Variants in CUTC observed in about 807,000 individuals in gnomAD.
CUTC encodes cutC copper transporter, also known as copper homeostasis protein cutC homolog.
Under a neutral mutation model 36.2 loss-of-function variants are expected in CUTC, and 27 were observed. The ratio of observed to expected loss-of-function variants is 0.75; its 90% CI spans 0.55 to 1.03. The LOEUF (loss-of-function observed/expected upper bound fraction) is 1.03. Among genes scored for constraint, CUTC ranks in the 50% least tolerant of loss-of-function variants. The pLI, the probability that CUTC is intolerant of heterozygous loss-of-function variation, is 0.00. For synonymous variants in CUTC, 114 were observed against 118.3 expected (o/e 0.96, Z 0.24); for missense variants, 315 against 343.5 (o/e 0.92, Z 0.66).
chr10:99,743,034 A>C (rs770324441), intron 3 of CUTC, 119 bp from the exon 4 acceptor site: 7 of 865,496 alleles, frequency 8.1e-6, no homozygotes, highest in Non-Finnish European at 1.1e-5. Flanking sequence ...CCATATATAC[A>C]TTTTTCTTCT....
intron 5 of CUTC, among the ~76,000 whole-genome samples, chr10:99,744,576 A>G (rs1395512518): frequency 6.6e-6 from 1 of 152,226 alleles, no homozygotes. Flanking sequence ...GGGTCTTATT[A>G]GGAAGGGAGA....
intron 3 of CUTC, among the ~76,000 whole-genome samples, 164 bp downstream of exon 3, chr10:99,739,933 C>T (rs540521464): frequency 1.4e-4 from 22 of 152,288 alleles, no homozygotes; most frequent in South Asian, 8.3e-4. Flanking sequence ...TTTGATCAAA[C>T]ATATTTCTTT....
Position 99,739,663 on chromosome 10 carries a change from A to G in CUTC, c.134-47A>G, listed in dbSNP as rs370921548. The G allele has an allele frequency of 8.9e-6, 14 of 1,566,044 alleles. No homozygotes were observed. The African/African-American group carries it at 1.9e-4, about 21-fold the overall frequency. ...TATATAAACAGGTTGCTGTTTAATA[A>G]CAGCTTATTTTTTAAAAATGTGTTG... On this transcript the variant is annotated intron_variant, in intron 2 of 8. Transcript: ENST00000370476.
At chr10:99,732,871 G>C (rs554217104) in intron 1 of CUTC, among the ~76,000 whole-genome samples, 33 of 152,304 alleles carry the variant, frequency 2.2e-4, no homozygotes, top group South Asian at 4.1e-4. Context: ...CGAGCTTGTG[G>C]CTGCTCCAAG....
intron 3 of CUTC, among the ~76,000 whole-genome samples, chr10:99,741,717 A>C (rs2037342500): frequency 6.6e-6 from 1 of 152,100 alleles, no homozygotes; most frequent in South Asian, 2.1e-4. Flanking sequence ...GGCATATGCC[A>C]CCATGTCCAG....
chr10:99,739,397 A>G (rs910924964), intron 2 of CUTC, among the ~76,000 whole-genome samples: 7 of 152,234 alleles, frequency 4.6e-5, no homozygotes, highest in Non-Finnish European at 1.0e-4. Flanking sequence ...TCAGTATTCC[A>G]CTATAGTCAG....
intron 7 of CUTC, among the ~76,000 whole-genome samples, chr10:99,752,168 T>C (rs1215134274): frequency 1.3e-5 from 2 of 152,024 alleles, no homozygotes; most frequent in African/African-American, 4.8e-5. Flanking sequence ...AAGAGTAACT[T>C]TTAAAAAGAG....
intron 2 of CUTC, among the ~76,000 whole-genome samples, chr10:99,738,393 T>TGG (rs1194150820): frequency 6.7e-6 from 1 of 149,112 alleles, no homozygotes; most frequent in Admixed American, 6.7e-5. Context: ...ATACAGGGTG[T>TGG]GTGTGTGTGT....
intron 1 of CUTC, among the ~76,000 whole-genome samples, chr10:99,733,393 TA>T (rs1340887274): frequency 6.6e-6 from 1 of 152,150 alleles, no homozygotes; most frequent in Non-Finnish European, 1.5e-5. Context: ...ATTGACATAA[TA>T]TTTTTTTGAA....
Position 99,755,989 on chromosome 10 carries a change from C to G in CUTC, c.*250C>G, listed in dbSNP as rs1314103649. On this transcript the variant is annotated 3_prime_UTR_variant, in exon 9 of 9. Transcript: ENST00000370476. Reference sequence around the variant, plus strand: ...AGCTGGTCTGTGCTTCTTCCATAGACAGAAGCTTAGTCTGTTTTCAGTGGA... The same window carrying G: ...AGCTGGTCTGTGCTTCTTCCATAGAGAGAAGCTTAGTCTGTTTTCAGTGGA... 7.9e-6 allele frequency: 3 copies of G among 382,090 alleles called. No homozygotes were observed. The highest frequency in any genetic ancestry group is 4.2e-5 in the East Asian group (1 of 24,024). The allele number at this position is 382,090 out of a possible 1,614,324, so 23.7% of individuals were successfully genotyped here. A position where few individuals can be genotyped will look rare whatever the true frequency, so the allele number is the denominator to read the frequency against.
At chr10:99,741,645 GCCTCAAAC>G (rs2037341923) in intron 3 of CUTC, among the ~76,000 whole-genome samples, 1 of 151,812 alleles carries the variant, frequency 6.6e-6, no homozygotes, top group Admixed American at 6.6e-5. Context: ...GCTCCCTACA[GCCTCAAAC>G]TCCTGGGCTC....
At chr10:99,747,113 T>TG in intron 5 of CUTC, 144 bp from the exon 6 acceptor site, 1 of 856,802 alleles carries the variant, frequency 1.2e-6, no homozygotes, top group Non-Finnish European at 1.8e-6. Flanking sequence ...CAATCTGACT[T>TG]GCAGAATTCT....
At chr10:99,753,700 C>T (rs1439789654) in intron 7 of CUTC, among the ~76,000 whole-genome samples, 6 of 152,174 alleles carry the variant, frequency 3.9e-5, no homozygotes, top group African/African-American at 1.4e-4. Context: ...TGGGAGCCAC[C>T]ACACTCAGCC....
In CUTC at chr10:99,754,605, G is replaced by A; in HGVS notation, c.678G>A (p.Arg226=). The A allele has an allele frequency of 6.2e-7, 1 of 1,612,862 alleles. No homozygotes were observed. Among genetic ancestry groups the A allele is most frequent in the East Asian group, 2.2e-5 (1 of 44,812 alleles). The change falls in exon 8 of 9, where the codon CGG becomes CGA. Residue 226 remains arginine (R), a synonymous_variant. Transcript: ENST00000370476. ...SGATEFHCSA[R]STRDSGMKFR... ...CTACAGAATTCCACTGTTCTGCTCG[G>A]TCTACTAGAGACTCGGGAATGAAGT...
At position 99,747,301 on chromosome 10, in the gene CUTC, T is replaced by G; in HGVS notation, c.484T>G (p.Leu162Val). The change falls in exon 6 of 9, where the codon TTA (leucine) becomes GTA (valine). Residue 162 changes from leucine to valine, a missense_variant. Coordinates refer to ENST00000370476, the MANE Select transcript of CUTC (RefSeq NM_015960.3). Reference sequence around the variant, plus strand: ...TCCAATGGCAGCTCTGGAGACCCTCTTAACCTTGGGATTTGAACGCGTGTT... The same window carrying G: ...TCCAATGGCAGCTCTGGAGACCCTCGTAACCTTGGGATTTGAACGCGTGTT... ...HDPMAALETL[L>V]TLGFERVLTS... The G allele has an allele frequency of 6.2e-7, 1 of 1,614,224 alleles. No individual in the cohort carries two copies. The highest frequency in any genetic ancestry group is 8.5e-7 in the Non-Finnish European group (1 of 1,180,026).
At chr10:99,739,948 C>T (rs1209988119) in intron 3 of CUTC, among the ~76,000 whole-genome samples, 179 bp downstream of exon 3, 1 of 152,190 alleles carries the variant, frequency 6.6e-6, no homozygotes, top group Non-Finnish European at 1.5e-5. Flanking sequence ...TTCTTTCTCA[C>T]ATCAAAAAGT....
At chr10:99,748,146 A>G (rs957055173) in intron 6 of CUTC, among the ~76,000 whole-genome samples, 3 of 152,124 alleles carry the variant, frequency 2.0e-5, no homozygotes, top group African/African-American at 7.2e-5. Context: ...GATACTTGCT[A>G]TGTGATGTTG....
chr10:99,736,456 C>T, intron 2 of CUTC, 139 bp downstream of exon 2: 2 of 626,404 alleles, frequency 3.2e-6, no homozygotes, highest in Non-Finnish European at 2.8e-6. Flanking sequence ...ATTAGAAACC[C>T]TACTGGAAAA....
In CUTC at chr10:99,747,250, A is replaced by C; in HGVS notation, c.440-7A>C. On this transcript the variant is annotated splice_region_variant and splice_polypyrimidine_tract_variant and intron_variant, in intron 5 of 8. Coordinates refer to ENST00000370476, the MANE Select transcript of CUTC (RefSeq NM_015960.3). ...TTCAAAATTCACATCAGTTTTATTT[A>C]TTTCAGCCTTTGACATGGTTCATGA... is the stretch of plus-strand genomic sequence containing the variant. 6.2e-7 allele frequency: 1 copy of C among 1,612,260 alleles called. No individual in the cohort carries two copies. Among genetic ancestry groups the C allele is most frequent in the Non-Finnish European group, 8.5e-7 (1 of 1,179,510 alleles).
Sources: allele counts gnomAD v4.1 joint callset (sites outside exome capture counted in the v4.1 genomes callset), GRCh38; gene constraint gnomAD v4.1.1; transcripts MANE v1.5; gene names NCBI Gene and HGNC (gene_info 2026-07-23, HGNC 2026-07-21).